Variants in SASS6 observed in about 807,000 individuals in gnomAD.
SASS6 encodes the protein SAS-6 centriolar assembly protein.
In SASS6, 59 loss-of-function variants were observed where a neutral mutation model predicts 94.9. The ratio of observed to expected loss-of-function variants is 0.62; its 90% CI spans 0.50 to 0.77. SASS6 has a LOEUF of 0.77. Among genes scored for constraint, SASS6 ranks in the 30% least tolerant of loss-of-function variants. The pLI is 0.00. For missense variants in SASS6, 698 were observed against 734.1 expected, an observed-to-expected ratio of 0.95 and a Z score of 0.57; for synonymous variants, 264 against 270.0, an observed-to-expected ratio of 0.98 and a Z score of 0.22.
chr1:100,118,808 T>A (rs2101681275), intron 7 of SASS6, among the ~76,000 whole-genome samples: 2 of 152,282 alleles, frequency 1.3e-5, no homozygotes, highest in East Asian at 3.9e-4. Flanking sequence ...ATTATTTACA[T>A]ATACGTAGAG....
At position 100,088,297 on chromosome 1, in the gene SASS6, GA is replaced by G. The variant is rs150852101; in HGVS notation, c.1675-62del. The G allele has an allele frequency of 9.1e-4, 749 of 826,356 alleles. 3 individuals carry two copies. In the African/African-American group the frequency reaches 0.011, roughly 12 times the overall value. The allele number at this position is 826,356 out of a possible 1,614,324, so 51.2% of individuals were successfully genotyped here. On this transcript the variant is annotated intron_variant, in intron 14 of 16. Coordinates refer to ENST00000287482, the MANE Select transcript of SASS6 (RefSeq NM_194292.3). ...ATATAGAAGTAGACAGTTTTGGGCA[GA>G]GGGGGGATTTTAAACAGAGCCTTGC...
chr1:100,122,314 C>A, intron 4 of SASS6, 66 bp downstream of exon 4: 1 of 721,008 alleles, frequency 1.4e-6, no homozygotes, highest in South Asian at 1.8e-5. Context: ...TTGCCATCAA[C>A]TTGTGTTTCA....
chr1:100,101,238 T>C (rs1640909915), intron 14 of SASS6, among the ~76,000 whole-genome samples: 1 of 152,056 alleles, frequency 6.6e-6, no homozygotes, highest in African/African-American at 2.4e-5. Context: ...CCAATAATTA[T>C]ACGGCATATA....
At chr1:100,102,634 C>T (rs1311090487) in intron 14 of SASS6, among the ~76,000 whole-genome samples, 1 of 145,050 alleles carries the variant, frequency 6.9e-6, no homozygotes, top group Non-Finnish European at 1.5e-5. Context: ...GCTGAGATTA[C>T]ACCACTGCAC....
At chr1:100,108,091 TA>T (rs1557886977) in intron 8 of SASS6, 87 bp from the exon 9 acceptor site, 26 of 702,684 alleles carry the variant, frequency 3.7e-5, no homozygotes, top group South Asian at 5.1e-5. Flanking sequence ...TCTAACATAT[TA>T]AAAAAAAGTC....
In SASS6 at chr1:100,120,422, G is replaced by A. The variant is rs746683123; in HGVS notation, c.521C>T (p.Ala174Val). 8 of 1,523,846 alleles carry A rather than the reference G, an allele frequency of 5.2e-6. No individual in the cohort carries two copies. Among genetic ancestry groups the A allele is most frequent in the Non-Finnish European group, 7.3e-6 (8 of 1,099,166 alleles). 94.4% of individuals were successfully genotyped at this position (1,523,846 alleles called of 1,614,324 possible). The change falls in exon 6 of 17, where the codon GCT becomes GTT. Residue 174 changes from alanine (A) to valine (V), a missense_variant. Transcript: ENST00000287482. Reference sequence around the variant, plus strand: ...TCGTGTAAAGTCCAGTTGCTTAGTAGCATCATCTAGTGATTGCATCAATGA... The same window carrying A: ...TCGTGTAAAGTCCAGTTGCTTAGTAACATCATCTAGTGATTGCATCAATGA... Reference protein sequence around the residue: ...KLSLMQSLDDATKQLDFTRKT... With the variant: ...KLSLMQSLDDVTKQLDFTRKT...
At chr1:100,122,547 G>GC (rs1654275428) in intron 3 of SASS6, 63 bp from the exon 4 acceptor site, 2 of 423,006 alleles carry the variant, frequency 4.7e-6, no homozygotes, top group African/African-American at 2.8e-5. Context: ...TTGTTTTGGT[G>GC]CCTTTTTTTT....
At position 100,083,749 on chromosome 1, in the gene SASS6, A is replaced by AAGAT. The variant is rs1651014075; in HGVS notation, c.*1575_*1578dup. ...CTGTATACATTTAATACAAATTTGC[A>AAGAT]AGATATCAGAATGATCTCTCCTGAA... On this transcript the variant is annotated 3_prime_UTR_variant, in exon 17 of 17. Transcript: ENST00000287482. 3 of 152,076 alleles carry AAGAT rather than the reference A, an allele frequency of 2.0e-5. No homozygotes were observed. The South Asian group carries it at 6.2e-4, about 31-fold the overall frequency. 9.4% of individuals were successfully genotyped at this position (152,076 alleles called of 1,614,324 possible).
intron 15 of SASS6, among the ~76,000 whole-genome samples, chr1:100,087,168 G>C (rs1417736659): frequency 6.6e-6 from 1 of 152,050 alleles, no homozygotes; most frequent in Non-Finnish European, 1.5e-5. Flanking sequence ...TTTTCGTAGA[G>C]ATGGAGTTTC....
chr1:100,117,275 G>C (rs1297933785), intron 7 of SASS6, among the ~76,000 whole-genome samples: 2 of 146,672 alleles, frequency 1.4e-5, no homozygotes, highest in Non-Finnish European at 3.0e-5. Flanking sequence ...TGGGCAACAA[G>C]AGCGAAATTC....
chr1:100,088,090 A>G, intron 15 of SASS6, 49 bp downstream of exon 15: 1 of 955,010 alleles, frequency 1.0e-6, no homozygotes, highest in Non-Finnish European at 1.7e-6. Flanking sequence ...ATTCTGTAAG[A>G]TGGCCTTCAA....
At chr1:100,086,732 G>C (rs986995186) in intron 15 of SASS6, among the ~76,000 whole-genome samples, 1 of 151,740 alleles carries the variant, frequency 6.6e-6, no homozygotes, top group Admixed American at 6.6e-5. Flanking sequence ...CCAGGCTGGA[G>C]TGCAGTGGCA....
chr1:100,102,840 CCTA>C, intron 14 of SASS6, 112 bp downstream of exon 14: 1 of 748,574 alleles, frequency 1.3e-6, no homozygotes, highest in Non-Finnish European at 2.3e-6. Context: ...TAATACACTA[CCTA>C]CTACTTAACA....
chr1:100,093,174 CTTTTTT>C (rs909537970), intron 14 of SASS6, among the ~76,000 whole-genome samples: 11 of 87,414 alleles, frequency 1.3e-4, no homozygotes, highest in East Asian at 3.9e-4. Context: ...CTATTGTTTT[CTTTTTT>C]TTTTTTTTTT....
In SASS6 at chr1:100,110,385, C is replaced by T. The variant is rs77741912; in HGVS notation, c.768G>A (p.Glu256=). The T allele has an allele frequency of 6.2e-7, 1 of 1,608,746 alleles. No homozygotes were observed. Among genetic ancestry groups the T allele is most frequent in the Non-Finnish European group, 8.5e-7 (1 of 1,175,728 alleles). ...NIHQLQNRLS[E]LEAANKDLTE... ...TTAAGTCTTTATTAGCCGCTTCTAA[C>T]TCAGACAGTCTGTTTTGTAGCTGGT... The change falls in exon 8 of 17, where the codon GAG becomes GAA. Residue 256 remains glutamate (E), a synonymous_variant. Coordinates refer to ENST00000287482, the MANE Select transcript of SASS6 (RefSeq NM_194292.3).
Position 100,122,407 on chromosome 1 carries a change from G to T in SASS6, c.284C>A (p.Thr95Asn), listed in dbSNP as rs761346468. The T allele has an allele frequency of 1.4e-5, 21 of 1,545,952 alleles. No homozygotes were observed. In the South Asian group the frequency reaches 1.8e-4, roughly 13 times the overall value. ...QKFIDLLQQC[T>N]QEHAKEIPRF... ...TGGAATTTCTTTGGCATGTTCTTGA[G>T]TACATTGCTGAAGGAGATCTATAAA... The change falls in exon 4 of 17, where the codon ACT becomes AAT. Residue 95 changes from threonine to asparagine, a missense_variant. Thr to Asn is a moderately conservative substitution (Grantham distance 65). Coordinates refer to ENST00000287482, the MANE Select transcript of SASS6 (RefSeq NM_194292.3).
Position 100,107,522 on chromosome 1 carries a change from TC to T in SASS6, c.1177del (p.Asp393IlefsTer2). 1 of 1,606,350 alleles carries T rather than the reference TC, an allele frequency of 6.2e-7. No homozygotes were observed. Among genetic ancestry groups the T allele is most frequent in the Non-Finnish European group, 8.5e-7 (1 of 1,174,626 alleles). Reference protein sequence around the residue: ...ANEIIKKLQGDLKTLMGKLKL... With the variant: ...ANEIIKKLQGXLKTLMGKLKL... Reference sequence around the variant, plus strand: ...CAACTTACCCATTAAAGTTTTCAGATCCCCTTGTAACTTCTTGATAATTTCA... The same window carrying T: ...CAACTTACCCATTAAAGTTTTCAGATCCCTTGTAACTTCTTGATAATTTCA... On this transcript the variant is annotated frameshift_variant, in exon 11 of 17. Transcript: ENST00000287482. LOFTEE classifies it high-confidence loss of function.
At position 100,126,182 on chromosome 1, in the gene SASS6, C is replaced by T. The variant is rs550298850; in HGVS notation, c.66-240G>A. 2.6e-5 allele frequency among the ~76,000 whole-genome samples: 4 copies of T among 152,242 alleles called. No individual in the cohort carries two copies. The East Asian group carries it at 5.8e-4, about 22-fold the overall frequency. ...TTTCTCACCTGTAAAATGGGGATAT[C>T]GTGAGGATTAAATGAAATAAACACT... is the stretch of plus-strand genomic sequence containing the variant. On this transcript the variant is annotated intron_variant, in intron 1 of 16. Coordinates refer to ENST00000287482, the MANE Select transcript of SASS6 (RefSeq NM_194292.3).
intron 6 of SASS6, 137 bp from the exon 7 acceptor site, chr1:100,119,274 C>T: frequency 2.2e-6 from 1 of 446,106 alleles, no homozygotes; most frequent in Non-Finnish European, 3.7e-6. Context: ...AAGCCTTTTC[C>T]TACACAAAAT....
Sources: allele counts gnomAD v4.1 joint callset (sites outside exome capture counted in the v4.1 genomes callset), GRCh38; gene constraint gnomAD v4.1.1; transcripts MANE v1.5; gene names NCBI Gene and HGNC (gene_info 2026-07-23, HGNC 2026-07-21).